Variants in TMEM234 observed in about 807,000 individuals in gnomAD.
The protein encoded by TMEM234 is chromosome 1 open reading frame 91.
A neutral mutation model predicts 17.8 loss-of-function variants in TMEM234; 21 were observed. The ratio of observed to expected loss-of-function variants is 1.18; its 90% CI spans 0.84 to 1.70. TMEM234 has a LOEUF of 1.70. Among genes scored for constraint, TMEM234 ranks in the 40% most tolerant of loss-of-function variants. The pLI is 0.00. For synonymous variants in TMEM234, 83 were observed against 73.5 expected (o/e 1.13, Z -0.66); for missense variants, 137 against 166.9 (o/e 0.82, Z 0.99).
chr1:32,218,920 A>C (rs1017826233), intron 3 of TMEM234, among the ~76,000 whole-genome samples: 2 of 152,116 alleles, frequency 1.3e-5, no homozygotes, highest in African/African-American at 4.8e-5. Flanking sequence ...CCTGGGTGAC[A>C]CAGCAAGGCT....
chr1:32,217,123 A>G, intron 4 of TMEM234, 136 bp downstream of exon 4: 1 of 1,575,712 alleles, frequency 6.3e-7, no homozygotes, highest in Non-Finnish European at 8.6e-7. Context: ...GAAGCAAAAC[A>G]GCTGCAGAGG....
chr1:32,219,840 A>C (rs1303561220), intron 3 of TMEM234, among the ~76,000 whole-genome samples: 1 of 152,168 alleles, frequency 6.6e-6, no homozygotes, highest in Non-Finnish European at 1.5e-5. Context: ...GGATATTCAA[A>C]CACTCAACCT....
chr1:32,216,021 C>A (rs1157033358), downstream of TMEM234: 21 of 837,086 alleles, frequency 2.5e-5, no homozygotes, highest in Non-Finnish European at 3.6e-5. Flanking sequence ...ACTGCGGCCT[C>A]CTCAGCCCTC....
Position 32,217,647 on chromosome 1 carries a change from G to A in TMEM234, c.236-296C>T, listed in dbSNP as rs539237278. 4.3e-4 allele frequency: 244 copies of A among 568,672 alleles called. 1 individual carries two copies. Among genetic ancestry groups the A allele is most frequent in the South Asian group, 3.8e-3 (237 of 62,132 alleles). The allele number at this position is 568,672 out of a possible 1,614,324, so 35.2% of individuals were successfully genotyped here. On this transcript the variant is annotated intron_variant, in intron 3 of 4. Coordinates refer to ENST00000309777, the MANE Select transcript of TMEM234 (RefSeq NM_019118.5). ...CGTGAGATCTCAAGGACATCTGGACGGACAGGCAGGCACCCAAATCCCAAA... is the reference window on the plus strand; with the variant it reads ...CGTGAGATCTCAAGGACATCTGGACAGACAGGCAGGCACCCAAATCCCAAA...
intron 3 of TMEM234, among the ~76,000 whole-genome samples, chr1:32,220,432 C>T (rs1638792032): frequency 6.6e-6 from 1 of 152,204 alleles, no homozygotes; most frequent in African/African-American, 2.4e-5. Flanking sequence ...CCTCCTTGGC[C>T]TCCCAAAGTG....
intron 3 of TMEM234, among the ~76,000 whole-genome samples, chr1:32,220,352 T>C (rs547424232): frequency 6.6e-6 from 1 of 152,332 alleles, no homozygotes; most frequent in Admixed American, 6.5e-5. Flanking sequence ...AATTTTGTTA[T>C]TTTTAGTAGA....
At chr1:32,222,177 G>A in intron 1 of TMEM234, 130 bp downstream of exon 1, 1 of 1,501,934 alleles carries the variant, frequency 6.7e-7, no homozygotes, top group East Asian at 2.3e-5. Flanking sequence ...AGGGAAGCTA[G>A]GGAGATGAAT....
chr1:32,222,346 C>G lies in TMEM234; in HGVS notation c.-24G>C, dbSNP rs200963425. On this transcript the variant is annotated 5_prime_UTR_variant, in exon 1 of 5. Coordinates refer to ENST00000309777, the MANE Select transcript of TMEM234 (RefSeq NM_019118.5). ...ATGGCAACGCCGCTGTCTTCTACTT[C>G]CGGGAACGAAGGGGCGGAGACCCAT... 22 of 1,564,870 alleles carry G rather than the reference C, an allele frequency of 1.4e-5. No individual in the cohort carries two copies. The highest frequency in any genetic ancestry group is 2.7e-5 in the African/African-American group (2 of 73,442).
At chr1:32,221,102 AAGC>A (rs1186871521) in intron 3 of TMEM234, 26 bp downstream of exon 3, 2 of 1,604,202 alleles carry the variant, frequency 1.2e-6, no homozygotes, top group Non-Finnish European at 1.7e-6. Context: ...CTCAAACACT[AAGC>A]AGAACAGTTC....
At chr1:32,215,797 T>C (rs773301016), downstream of TMEM234, 5 of 1,549,862 alleles carry the variant, frequency 3.2e-6, no homozygotes, top group Middle Eastern at 3.3e-4. Context: ...TTCCACCTCC[T>C]GCAGAGGGCA....
intron 3 of TMEM234, chr1:32,217,677 G>T: frequency 2.0e-6 from 1 of 495,694 alleles, no homozygotes; most frequent in South Asian, 1.7e-5. Flanking sequence ...CCCAAAGGAT[G>T]AGTAGAGAGT....
chr1:32,221,065 C>G, intron 3 of TMEM234, 66 bp downstream of exon 3: 1 of 1,357,798 alleles, frequency 7.4e-7, no homozygotes, highest in South Asian at 1.2e-5. Flanking sequence ...CTCCACCCCG[C>G]CCCCCCCAAT....
chr1:32,217,317 C>CAG lies in TMEM234; in HGVS notation c.268_269dup (p.Ala91TrpfsTer7). 1 of 1,612,860 alleles carries CAG rather than the reference C, an allele frequency of 6.2e-7. No homozygotes were observed. Among genetic ancestry groups the CAG allele is most frequent in the Non-Finnish European group, 8.5e-7 (1 of 1,179,030 alleles). ...CAACAATCAGTGTGAAGATGATAGCCAGAGAGTTACAGATGGGCACAGCCA... is the reference window on the plus strand; with the variant it reads ...CAACAATCAGTGTGAAGATGATAGCCAGAGAGAGTTACAGATGGGCACAGCCA... On this transcript the variant is annotated frameshift_variant, in exon 4 of 5. Coordinates refer to ENST00000309777, the MANE Select transcript of TMEM234 (RefSeq NM_019118.5). LOFTEE classifies it high-confidence loss of function.
chr1:32,217,694 A>T, intron 3 of TMEM234: 1 of 441,252 alleles, frequency 2.3e-6, no homozygotes, highest in South Asian at 1.9e-5. Flanking sequence ...GAGTCAGGTA[A>T]CACCAAGCAC....
chr1:32,221,790 C>G, intron 2 of TMEM234, 77 bp downstream of exon 2: 2 of 1,587,514 alleles, frequency 1.3e-6, no homozygotes, highest in Non-Finnish European at 1.7e-6. Context: ...GTGGGGCTGA[C>G]CCAGACCTGT....
At chr1:32,215,433 T>A, downstream of TMEM234, 2 of 1,607,178 alleles carry the variant, frequency 1.2e-6, no homozygotes, top group South Asian at 2.2e-5. Flanking sequence ...CTGCCTCCCC[T>A]CTTTAGGAGT....
rs2124219997 is a variant in TMEM234 at position 32,216,275 on chromosome 1, TCTCTAC to T, written c.*572_*577del. On this transcript the variant is annotated 3_prime_UTR_variant, in exon 5 of 5. Coordinates refer to ENST00000309777, the MANE Select transcript of TMEM234 (RefSeq NM_019118.5). ...GTCAGGTGGGGCTGGGGCTCACAGC[TCTCTAC>T]CTGTTTAAGAGGGGCTGGCAGTGAG... The T allele has an allele frequency of 6.8e-7, 1 of 1,478,582 alleles. No individual in the cohort carries two copies. Among genetic ancestry groups the T allele is most frequent in the Non-Finnish European group, 9.0e-7 (1 of 1,110,354 alleles). The allele number at this position is 1,478,582 out of a possible 1,614,324, so 91.6% of individuals were successfully genotyped here.
intron 3 of TMEM234, among the ~76,000 whole-genome samples, chr1:32,219,717 G>C (rs1177066135): frequency 1.3e-5 from 2 of 152,138 alleles, no homozygotes; most frequent in Non-Finnish European, 2.9e-5. Context: ...GGAGTGTCAT[G>C]GCTGCTAAGG....
At chr1:32,218,587 G>A (rs1456741809) in intron 3 of TMEM234, among the ~76,000 whole-genome samples, 1 of 152,090 alleles carries the variant, frequency 6.6e-6, no homozygotes, top group Non-Finnish European at 1.5e-5. Context: ...CGGATCACCT[G>A]AGGTTGGGAG....
Sources: gnomAD v4.1 joint callset for allele counts (sites outside exome capture counted in the v4.1 genomes callset) on GRCh38, gnomAD v4.1.1 for gene constraint, MANE v1.5 for transcripts, NCBI Gene and HGNC (gene_info 2026-07-23, HGNC 2026-07-21) for gene names.